ARHGAP22: variants seen among roughly 807,000 people sequenced by gnomAD.
ARHGAP22 encodes Rho GTPase activating protein 22.
Under a neutral mutation model 59.1 loss-of-function variants are expected in ARHGAP22, and 48 were observed. That is an observed-to-expected ratio of 0.81 (90% CI 0.64 to 1.03). The LOEUF is 1.03. Ranked by LOEUF, ARHGAP22 falls within the 50% of genes least tolerant of loss-of-function variation. The probability of loss-of-function intolerance (pLI) is 0.00; values close to 1 mark genes in which losing one functional copy is unlikely to be tolerated. For synonymous variants in ARHGAP22, 445 were observed against 416.4 expected, an observed-to-expected ratio of 1.07 and a Z score of -0.84; for missense variants, 1,015 against 958.7, an observed-to-expected ratio of 1.06 and a Z score of -0.78.
chr10:48,460,703 A>ATGAAT (rs2047054804), intron 4 of ARHGAP22, among the ~76,000 whole-genome samples: 1 of 149,962 alleles, frequency 6.7e-6, no homozygotes, highest in South Asian at 2.2e-4. Context: ...TATTCACAGT[A>ATGAAT]GCTGAAATGC....
intron 3 of ARHGAP22, among the ~76,000 whole-genome samples, chr10:48,517,619 T>C (rs941980289): frequency 4.6e-5 from 7 of 152,262 alleles, no homozygotes; most frequent in African/African-American, 1.7e-4. Context: ...GGTTCCTCTC[T>C]GGAGCCATGA....
At chr10:48,595,502 T>A (rs776944076) in intron 1 of ARHGAP22, among the ~76,000 whole-genome samples, 5 of 152,148 alleles carry the variant, frequency 3.3e-5, no homozygotes, top group Non-Finnish European at 7.4e-5. Flanking sequence ...AAAAACTTGT[T>A]TATATATATG....
intron 1 of ARHGAP22, among the ~76,000 whole-genome samples, chr10:48,634,358 G>T (rs1283772258): frequency 1.3e-5 from 2 of 152,242 alleles, no homozygotes; most frequent in African/African-American, 4.8e-5. Context: ...CCCCCACAGA[G>T]CTGGGCCATA....
chr10:48,542,418 T>A (rs939983683), intron 3 of ARHGAP22, among the ~76,000 whole-genome samples: 1 of 152,218 alleles, frequency 6.6e-6, no homozygotes, highest in Admixed American at 6.5e-5. Flanking sequence ...TCTTTAAATT[T>A]GTGTTTTTTA....
intron 3 of ARHGAP22, among the ~76,000 whole-genome samples, chr10:48,497,766 G>A (rs985746913): frequency 3.3e-5 from 5 of 152,138 alleles, no homozygotes; most frequent in Non-Finnish European, 5.9e-5. Flanking sequence ...CCTGCCACTC[G>A]CAGCAACTGC....
At chr10:48,543,114 A>G (rs1026939220) in intron 3 of ARHGAP22, among the ~76,000 whole-genome samples, 1 of 152,144 alleles carries the variant, frequency 6.6e-6, no homozygotes, top group Non-Finnish European at 1.5e-5. Flanking sequence ...CCATGTGCCC[A>G]AGGGGACACA....
At chr10:48,605,603 T>C (rs2060640553), upstream of ARHGAP22, among the ~76,000 whole-genome samples, 1 of 152,160 alleles carries the variant, frequency 6.6e-6, no homozygotes, top group African/African-American at 2.4e-5. Context: ...ATGTTTCTGT[T>C]TGATGCTGGC....
chr10:48,511,059 T>G (rs2052711153), intron 3 of ARHGAP22: 1 of 152,350 alleles, frequency 6.6e-6, no homozygotes, highest in South Asian at 2.1e-4. Flanking sequence ...TTTTTCAAAC[T>G]GGACTGGAGC....
chr10:48,532,891 G>A (rs1214450594), intron 3 of ARHGAP22: 8 of 152,242 alleles, frequency 5.3e-5, no homozygotes, highest in African/African-American at 1.7e-4. Context: ...CCTACTTTGC[G>A]CCAGGCACTG....
rs564139950 is a variant in ARHGAP22 at position 48,490,699 on chromosome 10, A to G, written c.323-10935T>C. ...TGGACTCTTCCTCTCCCTCACCTTTACACTGACCCCAGTCTCCCTGGTGGG... is the reference window on the plus strand; with the variant it reads ...TGGACTCTTCCTCTCCCTCACCTTTGCACTGACCCCAGTCTCCCTGGTGGG... On this transcript the variant is annotated intron_variant, in intron 3 of 9. Coordinates refer to ENST00000249601, the MANE Select transcript of ARHGAP22 (RefSeq NM_021226.4). 2.0e-5 allele frequency among the ~76,000 whole-genome samples: 3 copies of G among 152,198 alleles called. No individual in the cohort carries two copies. The East Asian group carries it at 5.8e-4, about 29-fold the overall frequency.
At chr10:48,652,308 A>G (rs1247582334) in exon 1 of ARHGAP22, 4 of 1,534,918 alleles carry the variant, frequency 2.6e-6, no homozygotes, top group East Asian at 2.4e-5. Flanking sequence ...AGTCTGTGCA[A>G]ATTTCTTCTG....
chr10:48,585,848 T>C (rs1403541003), intron 1 of ARHGAP22, among the ~76,000 whole-genome samples: 1 of 152,210 alleles, frequency 6.6e-6, no homozygotes, highest in East Asian at 1.9e-4. Context: ...ACACTGAAGC[T>C]GGATTGGTGA....
At chr10:48,531,591 C>G (rs973031992) in intron 3 of ARHGAP22, among the ~76,000 whole-genome samples, 4 of 152,310 alleles carry the variant, frequency 2.6e-5, no homozygotes, top group Middle Eastern at 3.4e-3. Context: ...TGTGCACGTT[C>G]ACTTAGAATT....
At chr10:48,582,833 C>G in intron 2 of ARHGAP22, 120 bp downstream of exon 2, 1 of 1,204,256 alleles carries the variant, frequency 8.3e-7, no homozygotes. Context: ...GAAATCCTGG[C>G]AAAACATCAC....
intron 4 of ARHGAP22, among the ~76,000 whole-genome samples, chr10:48,465,518 T>A (rs11101335): frequency 0.18 from 26,694 of 152,158 alleles, 3,008 homozygotes; most frequent in East Asian, 0.61. Flanking sequence ...CAGGAGCAAG[T>A]GCTTTGAAAT....
In ARHGAP22 at chr10:48,636,021, T is replaced by A. The variant is rs1410433174; in HGVS notation, c.52+16213A>T. Reference sequence around the variant, plus strand: ...CTCAATGTTGTTATTTATTATTATTTTTAGTTTGGTGGTAGCATCAGGTCC... The same window carrying A: ...CTCAATGTTGTTATTTATTATTATTATTAGTTTGGTGGTAGCATCAGGTCC... On this transcript the variant is annotated intron_variant, in intron 1 of 9. Transcript: ENST00000435790. 2.6e-5 allele frequency among the ~76,000 whole-genome samples: 4 copies of A among 152,292 alleles called. No homozygotes were observed. The South Asian group carries it at 8.3e-4, about 32-fold the overall frequency.
At chr10:48,637,871 T>C (rs559991031) in intron 1 of ARHGAP22, among the ~76,000 whole-genome samples, 369 of 152,312 alleles carry the variant, frequency 2.4e-3, no homozygotes, top group African/African-American at 8.5e-3. Context: ...CTAAAGCCAG[T>C]AGGCTGGCAT....
intron 3 of ARHGAP22, among the ~76,000 whole-genome samples, chr10:48,523,711 C>A (rs1047365082): frequency 1.3e-5 from 2 of 151,992 alleles, no homozygotes; most frequent in African/African-American, 4.8e-5. Context: ...CCGTCCCGGC[C>A]GTGGACTTGG....
At chr10:48,604,696 A>G in intron 1 of ARHGAP22, 67 bp downstream of exon 1, 1 of 1,613,242 alleles carries the variant, frequency 6.2e-7, no homozygotes, top group Admixed American at 1.7e-5. Context: ...CGGCTGGCCA[A>G]GTGTCCGCGC....
Sources: allele counts gnomAD v4.1 joint callset (sites outside exome capture counted in the v4.1 genomes callset), GRCh38; gene constraint gnomAD v4.1.1; transcripts MANE v1.5; gene names NCBI Gene and HGNC (gene_info 2026-07-23, HGNC 2026-07-21).